The following OGDH variants were observed in gnomAD, a reference collection of about 807,000 sequenced individuals.
OGDH encodes 2-oxoglutarate dehydrogenase complex component E1.
OGDH carries 38 observed loss-of-function variants against 116.6 expected under a neutral mutation model. The ratio of observed to expected loss-of-function variants is 0.33; its 90% CI spans 0.25 to 0.43. The LOEUF is 0.43. Among genes scored for constraint, OGDH ranks in the 20% least tolerant of loss-of-function variants. The pLI is 1.00. For synonymous variants in OGDH, 488 were observed against 533.3 expected, an observed-to-expected ratio of 0.92 and a Z score of 1.17; for missense variants, 825 against 1,357.2, an observed-to-expected ratio of 0.61 and a Z score of 6.16.
chr7:44,673,101 G>A (rs1009369779), intron 5 of OGDH, among the ~76,000 whole-genome samples: 1 of 152,202 alleles, frequency 6.6e-6, no homozygotes, highest in Middle Eastern at 3.4e-3. Context: ...TCAGGATCCT[G>A]ACTTTTGTCT....
intron 1 of OGDH, among the ~76,000 whole-genome samples, chr7:44,610,895 A>G (rs1250459040): frequency 6.6e-6 from 1 of 152,178 alleles, no homozygotes; most frequent in African/African-American, 2.4e-5. Flanking sequence ...GGCGTGAGCC[A>G]CCGCGCTCAG....
chr7:44,624,291 G>GTTTTT lies in OGDH; in HGVS notation c.-27-11_-27-7dup, dbSNP rs200113572. 209 of 760,284 alleles carry GTTTTT rather than the reference G, an allele frequency of 2.7e-4. 39 individuals are homozygous for GTTTTT. Among genetic ancestry groups the GTTTTT allele is most frequent in the African/African-American group, 5.4e-4 (22 of 40,884 alleles). 47.1% of individuals were successfully genotyped at this position (760,284 alleles called of 1,614,324 possible). ...CTCATTTTTAAAACCTTTCTTTCTT[G>GTTTTT]TTTTTTTTTTTTTTTTTTTGTACAG... On this transcript the variant is annotated intron_variant, in intron 1 of 22. Coordinates refer to ENST00000222673, the MANE Select transcript of OGDH (RefSeq NM_002541.4).
intron 4 of OGDH, among the ~76,000 whole-genome samples, chr7:44,650,947 GCA>G (rs934514749): frequency 2.2e-4 from 34 of 152,340 alleles, no homozygotes; most frequent in African/African-American, 7.7e-4. Context: ...GTGGATGCAG[GCA>G]CAGTTTCTCC....
intron 4 of OGDH, among the ~76,000 whole-genome samples, chr7:44,654,319 T>C (rs773008486): frequency 2.0e-5 from 3 of 152,220 alleles, no homozygotes; most frequent in Non-Finnish European, 2.9e-5. Context: ...AGTTAAAAAG[T>C]CAATTTAAAA....
At chr7:44,642,870 C>T (rs554500262) in intron 2 of OGDH, among the ~76,000 whole-genome samples, 3 of 150,876 alleles carry the variant, frequency 2.0e-5, no homozygotes. Context: ...TGCAATGAGC[C>T]GAGATTGCAC....
At position 44,707,081 on chromosome 7, in the gene OGDH, C is replaced by G; in HGVS notation, c.2633-144C>G. On this transcript the variant is annotated intron_variant, in intron 20 of 22. Coordinates refer to ENST00000222673, the MANE Select transcript of OGDH (RefSeq NM_002541.4). The surrounding 1 kb of genome is among the most constrained non-coding windows in gnomAD (Gnocchi z 5.2). ...GTGCCTGGTCTGAGCAAATACAGGG[C>G]ATCAGAGGCTGGTGAAGGGGAAGCA... 1.3e-6 allele frequency: 1 copy of G among 760,202 alleles called. No homozygotes were observed. The highest frequency in any genetic ancestry group is 1.8e-5 in the South Asian group (1 of 55,134). 47.1% of individuals were successfully genotyped at this position (760,202 alleles called of 1,614,324 possible).
At chr7:44,634,041 ACT>A (rs1194437531) in intron 2 of OGDH, among the ~76,000 whole-genome samples, 3 of 151,964 alleles carry the variant, frequency 2.0e-5, no homozygotes, top group Non-Finnish European at 2.9e-5. Context: ...ATGTCTCATG[ACT>A]CTGTGGGTTG....
intron 3 of OGDH, 183 bp from the exon 4 acceptor site, chr7:44,647,473 TC>T: frequency 6.5e-7 from 1 of 1,538,566 alleles, no homozygotes; most frequent in Non-Finnish European, 8.7e-7. Flanking sequence ...CAAAACTTGA[TC>T]CTCTCGGAAT....
At chr7:44,617,228 C>G (rs898231579) in intron 1 of OGDH, among the ~76,000 whole-genome samples, 1 of 151,880 alleles carries the variant, frequency 6.6e-6, no homozygotes. Context: ...CCACCATACC[C>G]AACCATTTCT....
At chr7:44,689,208 CTTT>C (rs367897508) in intron 10 of OGDH, among the ~76,000 whole-genome samples, 6 of 101,316 alleles carry the variant, frequency 5.9e-5, no homozygotes, top group African/African-American at 1.6e-4. Flanking sequence ...ATCAGGGTTC[CTTT>C]TTTTTTTTTT....
chr7:44,698,529 A>C (rs1788687907), intron 18 of OGDH, among the ~76,000 whole-genome samples: 1 of 152,044 alleles, frequency 6.6e-6, no homozygotes, highest in Non-Finnish European at 1.5e-5. Context: ...ACGCCATGTG[A>C]GCTCCTCAGC....
chr7:44,612,190 G>A (rs1040827304), intron 1 of OGDH, among the ~76,000 whole-genome samples: 5 of 151,962 alleles, frequency 3.3e-5, no homozygotes, highest in African/African-American at 1.2e-4. Context: ...TTGCACTTTC[G>A]TCAGAAATCA....
intron 9 of OGDH, chr7:44,676,421 GGC>G: frequency 1.7e-6 from 1 of 586,598 alleles, no homozygotes; most frequent in Non-Finnish European, 2.8e-6. Flanking sequence ...TGGGCGTGGT[GGC>G]GCGCGCCTGT....
intron 10 of OGDH, among the ~76,000 whole-genome samples, chr7:44,688,505 A>G (rs1187842847): frequency 7.5e-6 from 1 of 133,104 alleles, no homozygotes. Flanking sequence ...ATCTCGGCTC[A>G]TTGCAAGCTC....
intron 18 of OGDH, among the ~76,000 whole-genome samples, chr7:44,698,909 G>C (rs539087500): frequency 6.6e-6 from 1 of 151,976 alleles, no homozygotes; most frequent in Non-Finnish European, 1.5e-5. Context: ...ACTTTGGGAG[G>C]CCCAGGCAGG....
chr7:44,673,693 AT>A lies in OGDH; in HGVS notation c.634-93del, dbSNP rs1464664553. On this transcript the variant is annotated intron_variant, in intron 5 of 22. Transcript: ENST00000222673. Reference sequence around the variant, plus strand: ...ACATTTCAGAACAAGCCTCCTGCTTATCCCCTCCTTCTGGCTGAATGGGCAG... The same window carrying A: ...ACATTTCAGAACAAGCCTCCTGCTTACCCCTCCTTCTGGCTGAATGGGCAG... The A allele has an allele frequency of 4.0e-6, 5 of 1,246,368 alleles. No homozygotes were observed. The East Asian group carries it at 1.2e-4, about 29-fold the overall frequency. The allele number at this position is 1,246,368 out of a possible 1,614,324, so 77.2% of individuals were successfully genotyped here.
chr7:44,635,537 G>C (rs1785628666), intron 2 of OGDH, among the ~76,000 whole-genome samples: 1 of 152,136 alleles, frequency 6.6e-6, no homozygotes, highest in South Asian at 2.1e-4. Context: ...AGGTGGAGTA[G>C]GGAGGGCAGC....
At chr7:44,662,527 A>T (rs1460933424) in intron 4 of OGDH, among the ~76,000 whole-genome samples, 1 of 149,378 alleles carries the variant, frequency 6.7e-6, no homozygotes, top group Admixed American at 6.7e-5. Context: ...CAGTGGTGCA[A>T]TCTCTGCTCA....
chr7:44,689,721 A>G (rs964474223), intron 10 of OGDH, among the ~76,000 whole-genome samples: 5 of 152,018 alleles, frequency 3.3e-5, no homozygotes, highest in Admixed American at 6.6e-5. Context: ...GGAAATTTCT[A>G]TTCAGATCCT....
Sources: gnomAD v4.1 joint callset for allele counts (sites outside exome capture counted in the v4.1 genomes callset) on GRCh38, gnomAD v4.1.1 for gene constraint, Gnocchi (gnomAD v3.1) non-coding constraint, MANE v1.5 for transcripts, NCBI Gene and HGNC (gene_info 2026-07-23, HGNC 2026-07-21) for gene names.